TP53I13: variants seen among roughly 807,000 people sequenced by gnomAD.
TP53I13 encodes the protein tumor protein p53 inducible protein 13, also known as tumor protein p53-inducible protein 13.
Under a neutral mutation model 39.1 loss-of-function variants are expected in TP53I13, and 27 were observed. The observed-to-expected ratio is 0.69, with a 90% CI of 0.51 to 0.95. The LOEUF is 0.95. Among genes scored for constraint, TP53I13 ranks in the 40% least tolerant of loss-of-function variants. The probability of loss-of-function intolerance (pLI) is 0.00; values close to 1 mark genes in which losing one functional copy is unlikely to be tolerated. For missense variants in TP53I13, 544 were observed against 520.4 expected, an observed-to-expected ratio of 1.05 and a Z score of -0.44; for synonymous variants, 230 against 224.6, an observed-to-expected ratio of 1.02 and a Z score of -0.22.
At chr17:29,577,200 C>G (rs372287329), downstream of TP53I13, 14 of 1,613,946 alleles carry the variant, frequency 8.7e-6, no homozygotes, top group Non-Finnish European at 1.1e-5. Flanking sequence ...TGTCGATGAT[C>G]AAGGTGGCAA....
downstream of TP53I13, chr17:29,575,882 G>C: frequency 6.2e-7 from 1 of 1,609,866 alleles, no homozygotes. The surrounding 1 kb of genome is among the most constrained non-coding windows in gnomAD (Gnocchi z 5.5). Flanking sequence ...AGCTGAGGCA[G>C]ACACCCCTTT....
the TP53I13 span, chr17:29,581,875 C>T: frequency 1.2e-6 from 2 of 1,607,292 alleles, no homozygotes; most frequent in South Asian, 1.1e-5. This position sits in a 1 kb window ranked among gnomAD's most constrained non-coding sequence, Gnocchi z 4.8. Context: ...GCAGCAGCAG[C>T]CCTCACCCAC....
At chr17:29,566,853 C>T, upstream of TP53I13, 3 of 1,512,072 alleles carry the variant, frequency 2.0e-6, no homozygotes, top group Non-Finnish European at 2.6e-6. Flanking sequence ...GGGCCCCCGG[C>T]AGGGTCCTCT....
the TP53I13 span, chr17:29,580,994 G>A: frequency 6.4e-6 from 2 of 311,266 alleles, no homozygotes; most frequent in Non-Finnish European, 1.3e-5. Context: ...GGCCAGGCTA[G>A]TCTTGAACTC....
At chr17:29,575,996 G>A, downstream of TP53I13, 1 of 1,553,998 alleles carries the variant, frequency 6.4e-7, no homozygotes, top group Non-Finnish European at 8.9e-7. The surrounding 1 kb of genome is among the most constrained non-coding windows in gnomAD (Gnocchi z 5.5). Flanking sequence ...ATCATCTTAA[G>A]CCCCGAATTC....
rs373056936 is a variant in TP53I13 at position 29,572,019 on chromosome 17, C to A, written c.475C>A (p.Pro159Thr). 1.2e-6 allele frequency: 2 copies of A among 1,613,080 alleles called. No individual in the cohort carries two copies. The highest frequency in any genetic ancestry group is 1.7e-6 in the Non-Finnish European group (2 of 1,180,034). ...AGGGCCTGCTCCCTCCGAGCCAACTCCCGGTAGAGGGAGGCTGTGCCGAAG... is the reference window on the plus strand; with the variant it reads ...AGGGCCTGCTCCCTCCGAGCCAACTACCGGTAGAGGGAGGCTGTGCCGAAG... ...LSGPAPSEPT[P>T]GRGRLCRRGC... is the part of the protein sequence containing the mutation. Residue 159 changes from proline (P) to threonine (T), a missense_variant, in exon 5 of 7, where the codon CCC becomes ACC. Physicochemically the swap from Pro to Thr is conservative, Grantham distance 38. Coordinates refer to ENST00000301057, the MANE Select transcript of TP53I13 (RefSeq NM_138349.4).
At chr17:29,568,598 C>T (rs1388553708), upstream of TP53I13, 2 of 220,034 alleles carry the variant, frequency 9.1e-6, no homozygotes, top group Admixed American at 6.5e-5. This position sits in a 1 kb window ranked among gnomAD's most constrained non-coding sequence, Gnocchi z 4.5. Context: ...GGGGCGATAC[C>T]GGGGGCCCAC....
chr17:29,578,902 C>T, the TP53I13 span: 1 of 1,589,786 alleles, frequency 6.3e-7, no homozygotes, highest in South Asian at 1.1e-5. Context: ...ATGCTGCACA[C>T]CAAATGCCTC....
chr17:29,576,704 C>T (rs200295612), downstream of TP53I13: 152 of 1,612,508 alleles, frequency 9.4e-5, 1 homozygote, highest in African/African-American at 1.8e-3. Flanking sequence ...CTGGTCAGCA[C>T]CTGGGGGCAG....
At chr17:29,581,074 C>G in the TP53I13 span, 1 of 528,172 alleles carries the variant, frequency 1.9e-6, no homozygotes, top group East Asian at 3.1e-5. The surrounding 1 kb of genome is among the most constrained non-coding windows in gnomAD (Gnocchi z 4.8). Flanking sequence ...CCACCGCGCC[C>G]GGCCCACAGG....
chr17:29,572,630 C>T lies in TP53I13; in HGVS notation c.1002C>T (p.His334=), dbSNP rs199786810. The change falls in exon 6 of 7, where the codon CAC becomes CAT. Residue 334 remains histidine (H), a synonymous_variant. Coordinates refer to ENST00000301057, the MANE Select transcript of TP53I13 (RefSeq NM_138349.4). Reference sequence around the variant, plus strand: ...TGGCCACGCTCTGCACACGGCTGCACAGAAACTTCCGACGCGGGGAGAGCA... The same window carrying T: ...TGGCCACGCTCTGCACACGGCTGCATAGAAACTTCCGACGCGGGGAGAGCA... ...LTLATLCTRL[H]RNFRRGESIY... 1.2e-4 allele frequency: 194 copies of T among 1,589,352 alleles called. 4 individuals are homozygous for T. In the Admixed American group the frequency reaches 2.4e-3, roughly 19 times the overall value.
At chr17:29,568,656 C>T (rs1374444401), upstream of TP53I13, 11 of 488,834 alleles carry the variant, frequency 2.3e-5, no homozygotes, top group Middle Eastern at 8.4e-4. This position sits in a 1 kb window ranked among gnomAD's most constrained non-coding sequence, Gnocchi z 4.5. Context: ...GACGCGCGGG[C>T]GGCGCGGGCG....
chr17:29,575,278 C>CGGAG, downstream of TP53I13: 1 of 1,605,320 alleles, frequency 6.2e-7, no homozygotes, highest in South Asian at 1.1e-5. The surrounding 1 kb of genome is among the most constrained non-coding windows in gnomAD (Gnocchi z 5.5). Flanking sequence ...CCTCCCCCTC[C>CGGAG]ACTCAGTACC....
chr17:29,582,240 G>T, the TP53I13 span: 1 of 903,452 alleles, frequency 1.1e-6, no homozygotes, highest in Non-Finnish European at 1.7e-6. Flanking sequence ...ACACCTAGCA[G>T]CTCCAAGGAG....
chr17:29,566,573 C>T (rs748506576), upstream of TP53I13: 1 of 1,608,760 alleles, frequency 6.2e-7, no homozygotes, highest in Non-Finnish European at 8.5e-7. Context: ...ACTAGCCCAT[C>T]GTCCGCCAAC....
Position 29,568,970 on chromosome 17 carries a change from A to G in TP53I13, c.73-48A>G, listed in dbSNP as rs2032816273. 5.7e-6 allele frequency: 9 copies of G among 1,590,858 alleles called. No homozygotes were observed. The highest frequency in any genetic ancestry group is 6.8e-6 in the Non-Finnish European group (8 of 1,170,064). On this transcript the variant is annotated intron_variant, in intron 1 of 6. Transcript: ENST00000301057. The surrounding 1 kb of genome is among the most constrained non-coding windows in gnomAD (Gnocchi z 4.5). Reference sequence around the variant, plus strand: ...GGCTGGGCCTGGGGAGAGAGAGGGCAGGGCCTCGCCGCGTCCAGCGCCCCA... The same window carrying G: ...GGCTGGGCCTGGGGAGAGAGAGGGCGGGGCCTCGCCGCGTCCAGCGCCCCA...
downstream of TP53I13, chr17:29,576,252 G>C (rs763051659): frequency 6.2e-7 from 1 of 1,609,682 alleles, no homozygotes; most frequent in Non-Finnish European, 8.5e-7. Context: ...CGCGTAGTGA[G>C]CTCGTCCCCA....
rs1182678641 is a variant in TP53I13, at chr17:29,572,999, C to T, written c.*75C>T. ...GCCGCGACCTCTGCCACGTGGACCG[C>T]GCGCGGGGCGCTCCCTGGTGGCGAT... is the stretch of plus-strand genomic sequence containing the variant. On this transcript the variant is annotated 3_prime_UTR_variant, in exon 7 of 7. Coordinates refer to ENST00000301057, the MANE Select transcript of TP53I13 (RefSeq NM_138349.4). 40 of 1,179,444 alleles carry T rather than the reference C, an allele frequency of 3.4e-5. No homozygotes were observed. Among genetic ancestry groups the T allele is most frequent in the Non-Finnish European group, 4.2e-5 (38 of 910,280 alleles). 73.1% of individuals were successfully genotyped at this position (1,179,444 alleles called of 1,614,324 possible).
downstream of TP53I13, chr17:29,576,378 T>C (rs200962041): frequency 6.2e-7 from 1 of 1,613,510 alleles, no homozygotes; most frequent in African/African-American, 1.3e-5. Flanking sequence ...GCCCGTTCAC[T>C]GGGGAGTGGA....
Sources: gnomAD v4.1 joint callset for allele counts on GRCh38, gnomAD v4.1.1 for gene constraint, Gnocchi (gnomAD v3.1) non-coding constraint, MANE v1.5 for transcripts, NCBI Gene and HGNC (gene_info 2026-07-23, HGNC 2026-07-21) for gene names.